Variants in SUPT3H observed in about 807,000 individuals in gnomAD.
SUPT3H encodes the protein transcription initiation protein SPT3 homolog.
In SUPT3H, 44 loss-of-function variants were observed where a neutral mutation model predicts 44.3. The ratio of observed to expected loss-of-function variants is 0.99; its 90% CI spans 0.78 to 1.28. SUPT3H has a LOEUF of 1.28. SUPT3H is among the 50% of genes most tolerant of loss of function. The pLI is 0.00. For missense variants in SUPT3H, 380 were observed against 387.1 expected, an observed-to-expected ratio of 0.98 and a Z score of 0.15; for synonymous variants, 124 against 125.6, an observed-to-expected ratio of 0.99 and a Z score of 0.09.
intron 2 of SUPT3H, among the ~76,000 whole-genome samples, chr6:45,203,098 G>GAAATA (rs1562680535): frequency 6.6e-6 from 1 of 152,056 alleles, no homozygotes; most frequent in Admixed American, 6.6e-5. Flanking sequence ...GGAAGATCTC[G>GAAATA]AAATAAAATA....
intron 2 of SUPT3H, among the ~76,000 whole-genome samples, chr6:45,118,897 A>AT: frequency 6.6e-6 from 1 of 152,314 alleles, no homozygotes; most frequent in Non-Finnish European, 1.5e-5. Context: ...GTGCTTAAGC[A>AT]TTTCAACTTG....
intron 3 of SUPT3H, among the ~76,000 whole-genome samples, chr6:45,034,449 C>T (rs1787390956): frequency 6.6e-6 from 1 of 152,114 alleles, no homozygotes; most frequent in Non-Finnish European, 1.5e-5. Context: ...TCATATAAGT[C>T]TTTAGAATTA....
At chr6:44,987,688 TTTTG>T (rs147252170) in intron 6 of SUPT3H, among the ~76,000 whole-genome samples, 3,345 of 152,204 alleles carry the variant, frequency 0.022, 124 homozygotes, top group African/African-American at 0.076. Context: ...TGAAAGCTTT[TTTTG>T]TTTGTTTAAG....
chr6:44,930,564 CAAAAAA>C (rs3857588), intron 10 of SUPT3H, among the ~76,000 whole-genome samples: 1 of 65,104 alleles, frequency 1.5e-5, no homozygotes, highest in Admixed American at 1.8e-4. Context: ...GACTCCGTCT[CAAAAAA>C]AAAAAAAAAA....
At chr6:44,898,136 T>C (rs1435121646) in intron 10 of SUPT3H, among the ~76,000 whole-genome samples, 2 of 152,222 alleles carry the variant, frequency 1.3e-5, no homozygotes, top group East Asian at 1.9e-4. Context: ...TTTTGTTAAC[T>C]TGAAGTAGAA....
In SUPT3H at chr6:45,172,509, T is replaced by G. The variant is rs1810979851; in HGVS notation, c.102-66503A>C. ...ATTTATGATTAAATAGGAACACAGT[T>G]GATGATTTATGATTAAATAGAAACC... On this transcript the variant is annotated intron_variant, in intron 2 of 10. Coordinates refer to ENST00000371459, the MANE Select transcript of SUPT3H (RefSeq NM_003599.4). Among the ~76,000 whole-genome samples the G allele has an allele frequency of 3.9e-5, 6 of 151,990 alleles. No homozygotes were observed. In the South Asian group the frequency reaches 1.2e-3, roughly 31 times the overall value.
At chr6:44,977,171 G>C (rs1778451066) in intron 6 of SUPT3H, among the ~76,000 whole-genome samples, 1 of 152,184 alleles carries the variant, frequency 6.6e-6, no homozygotes, top group African/African-American at 2.4e-5. Flanking sequence ...TTTGCAACTT[G>C]GTGATGTGAG....
Position 44,812,682 on chromosome 6 carries a change from A to G in SUPT3H, c.*53-3181T>C, listed in dbSNP as rs137949112. Among the ~76,000 whole-genome samples the G allele has an allele frequency of 1.3e-4, 20 of 152,328 alleles. No individual in the cohort carries two copies. The East Asian group carries it at 2.7e-3, about 21-fold the overall frequency. ...CAGTGTGGCCAGGACTTGAGAGAAT[A>G]AGATAATGGAGAAAAGTCAGGTTCT... On this transcript the variant is annotated intron_variant and NMD_transcript_variant, in intron 11 of 11. Coordinates refer to the SUPT3H transcript ENST00000475057.
chr6:45,243,102 G>A (rs1770665987), intron 2 of SUPT3H, among the ~76,000 whole-genome samples: 1 of 148,094 alleles, frequency 6.8e-6, no homozygotes. Flanking sequence ...GCTGCGGTGG[G>A]AGGATTGCTT....
At chr6:45,318,809 C>T (rs1191693479) in intron 2 of SUPT3H, among the ~76,000 whole-genome samples, 1 of 151,726 alleles carries the variant, frequency 6.6e-6, no homozygotes, top group African/African-American at 2.4e-5. Flanking sequence ...AAAATAGTAC[C>T]AAGAGATAGT....
chr6:45,217,320 C>CA (rs1372831926), intron 2 of SUPT3H, among the ~76,000 whole-genome samples: 1 of 151,476 alleles, frequency 6.6e-6, no homozygotes, highest in Non-Finnish European at 1.5e-5. Flanking sequence ...ACTAAAACTA[C>CA]AAAAGTTAGC....
chr6:45,257,639 T>C (rs1773632819), intron 2 of SUPT3H, among the ~76,000 whole-genome samples: 1 of 152,146 alleles, frequency 6.6e-6, no homozygotes, highest in Non-Finnish European at 1.5e-5. Flanking sequence ...TTCTGGAAGC[T>C]AGGAAGTCCA....
At chr6:45,338,876 C>T (rs1328335311) in intron 2 of SUPT3H, among the ~76,000 whole-genome samples, 1 of 152,044 alleles carries the variant, frequency 6.6e-6, no homozygotes, top group Non-Finnish European at 1.5e-5. Context: ...AGACAGCCTC[C>T]TTAAATTTTG....
intron 2 of SUPT3H, among the ~76,000 whole-genome samples, chr6:45,354,652 C>G (rs942745159): frequency 2.0e-5 from 3 of 149,900 alleles, no homozygotes; most frequent in Admixed American, 6.7e-5. Context: ...CACACACACA[C>G]AGTCTCCTAT....
chr6:44,894,774 GA>G (rs1763859200), intron 10 of SUPT3H, among the ~76,000 whole-genome samples: 1 of 151,530 alleles, frequency 6.6e-6, no homozygotes, highest in African/African-American at 2.4e-5. Context: ...TATGTATTTT[GA>G]GAAAACGCCC....
chr6:45,056,996 A>G (rs1025452221), intron 3 of SUPT3H, among the ~76,000 whole-genome samples: 2 of 152,166 alleles, frequency 1.3e-5, no homozygotes, highest in African/African-American at 4.8e-5. Context: ...TAGGAGACAA[A>G]GGCTTTAAAT....
intron 2 of SUPT3H, among the ~76,000 whole-genome samples, chr6:45,324,615 T>TAG (rs1554344676): frequency 2.7e-5 from 4 of 150,144 alleles, no homozygotes; most frequent in East Asian, 2.0e-4. Flanking sequence ...GAGAGATTGG[T>TAG]AGAGAGAGAG....
chr6:45,219,720 G>C (rs926899671), intron 2 of SUPT3H, among the ~76,000 whole-genome samples: 1 of 152,066 alleles, frequency 6.6e-6, no homozygotes, highest in Non-Finnish European at 1.5e-5. Context: ...AGGCCTAACT[G>C]GTTGGGTGGA....
rs187137542 is a variant in SUPT3H, at chr6:45,177,368, A to G, written c.102-71362T>C. Among the ~76,000 whole-genome samples the G allele has an allele frequency of 1.7e-3, 259 of 152,262 alleles. 7 individuals carry two copies. The East Asian group carries it at 0.042, about 25-fold the overall frequency. ...ATGAAGTGAGAAGGGAAGTTTAGAG[A>G]AAAAAGAATAAAAAGAAACGAGTAA... On this transcript the variant is annotated intron_variant, in intron 2 of 10. Transcript: ENST00000371459.
Sources: allele counts gnomAD v4.1 joint callset (sites outside exome capture counted in the v4.1 genomes callset), GRCh38; gene constraint gnomAD v4.1.1; transcripts MANE v1.5; gene names NCBI Gene and HGNC (gene_info 2026-07-23, HGNC 2026-07-21).